Variants in SND1 observed in about 807,000 individuals in gnomAD.
The protein encoded by SND1 is staphylococcal nuclease and tudor domain containing 1, also known as staphylococcal nuclease domain-containing protein 1.
Under a neutral mutation model 121.7 loss-of-function variants are expected in SND1, and 38 were observed. The ratio of observed to expected loss-of-function variants is 0.31; its 90% CI spans 0.24 to 0.41. The LOEUF (loss-of-function observed/expected upper bound fraction) is 0.41, where lower values mean the gene tolerates loss of function less well. Ranked by LOEUF, SND1 falls within the 10% of genes least tolerant of loss-of-function variation. SND1 has a pLI of 1.00. For synonymous variants in SND1, 401 were observed against 447.4 expected, an observed-to-expected ratio of 0.90 and a Z score of 1.31; for missense variants, 868 against 1,184.6, an observed-to-expected ratio of 0.73 and a Z score of 3.92.
chr7:127,844,043 G>A (rs895423607), intron 11 of SND1, among the ~76,000 whole-genome samples: 1 of 152,178 alleles, frequency 6.6e-6, no homozygotes, highest in Non-Finnish European at 1.5e-5. Context: ...TTAGTAAGCT[G>A]TTTGGATCTT....
chr7:127,709,496 TG>T (rs1796262188), intron 9 of SND1, among the ~76,000 whole-genome samples: 1 of 152,224 alleles, frequency 6.6e-6, no homozygotes, highest in Admixed American at 6.5e-5. Context: ...GGGCCTTGGC[TG>T]GTTGGGGAGT....
intron 1 of SND1, among the ~76,000 whole-genome samples, chr7:127,677,760 C>G (rs56361057): frequency 0.022 from 3,342 of 150,636 alleles, 63 homozygotes; most frequent in South Asian, 0.049. Flanking sequence ...GTTACATAAT[C>G]TTCTTTTGAT....
chr7:127,844,483 C>A, intron 12 of SND1, 59 bp downstream of exon 12: 1 of 1,345,180 alleles, frequency 7.4e-7, no homozygotes, highest in Non-Finnish European at 1.1e-6. Context: ...GAGTTCTTTG[C>A]TCATTTGAAT....
chr7:128,052,878 A>T lies in SND1; in HGVS notation c.1780-21624A>T, dbSNP rs768455758. Among the ~76,000 whole-genome samples the T allele has an allele frequency of 6.6e-6, 1 of 152,192 alleles. No homozygotes were observed. Among genetic ancestry groups the T allele is most frequent in the Admixed American group, 6.5e-5 (1 of 15,272 alleles). On this transcript the variant is annotated intron_variant, in intron 16 of 23. Coordinates refer to ENST00000354725, the MANE Select transcript of SND1 (RefSeq NM_014390.4). This position sits in a 1 kb window ranked among gnomAD's most constrained non-coding sequence, Gnocchi z 4.6. Reference sequence around the variant, plus strand: ...TGTGAAAAGACCAATAGTCAGCCCTACCCTTCAGGGACTTCTAGTTTAGAG... The same window carrying T: ...TGTGAAAAGACCAATAGTCAGCCCTTCCCTTCAGGGACTTCTAGTTTAGAG...
chr7:127,844,347 T>C lies in SND1; in HGVS notation c.1266T>C (p.Ile422=), dbSNP rs765071280. 2 of 1,613,320 alleles carry C rather than the reference T, an allele frequency of 1.2e-6. No homozygotes were observed. The highest frequency in any genetic ancestry group is 1.7e-5 in the Admixed American group (1 of 59,890). The part of the protein sequence containing the change: ...GKKVNVTVDY[I]RPASPATETV... ...AGGTCAATGTGACGGTGGACTACAT[T>C]AGACCAGCCAGCCCAGCCACAGAGA... Residue 422 remains isoleucine, a synonymous_variant, in exon 12 of 24, where the codon ATT becomes ATC. Transcript: ENST00000354725.
At chr7:127,723,471 A>G (rs1370700878) in intron 10 of SND1, among the ~76,000 whole-genome samples, 1 of 152,190 alleles carries the variant, frequency 6.6e-6, no homozygotes, top group African/African-American at 2.4e-5. Context: ...AGCTGCAATA[A>G]TCTACAACAT....
intron 1 of SND1, among the ~76,000 whole-genome samples, chr7:127,670,649 A>G (rs1012649167): frequency 1.6e-4 from 25 of 152,088 alleles, no homozygotes; most frequent in African/African-American, 5.1e-4. Flanking sequence ...TATAAAACCT[A>G]ATTAGATCAC....
Position 127,706,784 on chromosome 7 carries a change from G to A in SND1, c.948-773G>A, listed in dbSNP as rs535385516. ...AATTGTAGGTAAAATTGCATCCTCT[G>A]TATTGAATTACTTCTTGTATTTTAC... is the stretch of plus-strand genomic sequence containing the variant. On this transcript the variant is annotated intron_variant, in intron 8 of 23. Transcript: ENST00000354725. Among the ~76,000 whole-genome samples the A allele has an allele frequency of 2.2e-4, 33 of 152,262 alleles. No homozygotes were observed. The Middle Eastern group carries it at 0.01, about 47-fold the overall frequency.
At chr7:127,902,302 G>A (rs564931156) in intron 13 of SND1, among the ~76,000 whole-genome samples, 40 of 152,296 alleles carry the variant, frequency 2.6e-4, no homozygotes, top group African/African-American at 9.4e-4. Context: ...TAAAGGATAA[G>A]GCTGTAGGCA....
intron 11 of SND1, among the ~76,000 whole-genome samples, chr7:127,828,738 TA>T (rs1798687120): frequency 1.3e-5 from 2 of 152,234 alleles, no homozygotes; most frequent in Non-Finnish European, 2.9e-5. Context: ...AATAAATTTA[TA>T]GCTCAAAATG....
intron 11 of SND1, among the ~76,000 whole-genome samples, chr7:127,810,601 T>A (rs1369717423): frequency 6.6e-6 from 1 of 152,236 alleles, no homozygotes; most frequent in Non-Finnish European, 1.5e-5. Flanking sequence ...GAGACTGGTG[T>A]CCTTAGGCTG....
chr7:127,803,577 T>A (rs4731385), intron 10 of SND1, among the ~76,000 whole-genome samples: 1,838 of 152,350 alleles, frequency 0.012, 141 homozygotes, highest in Admixed American at 0.1. Flanking sequence ...TATATTCTTT[T>A]TTCTGCCTTC....
At chr7:127,994,578 A>C (rs911011202) in intron 16 of SND1, among the ~76,000 whole-genome samples, 4 of 133,974 alleles carry the variant, frequency 3.0e-5, no homozygotes, top group African/African-American at 5.3e-5. Flanking sequence ...AAAAAAAAAA[A>C]AAAAAAACAG....
chr7:127,991,093 G>A (rs1217820985), intron 16 of SND1, 37 bp downstream of exon 16: 2 of 1,515,638 alleles, frequency 1.3e-6, no homozygotes, highest in Non-Finnish European at 1.8e-6. Flanking sequence ...TGTGAGGAGG[G>A]GTGACAAAAT....
intron 12 of SND1, among the ~76,000 whole-genome samples, chr7:127,848,294 T>C (rs893313649): frequency 6.6e-6 from 1 of 152,202 alleles, no homozygotes; most frequent in Non-Finnish European, 1.5e-5. Flanking sequence ...ATTTCAATGA[T>C]ATTTAATGAA....
intron 16 of SND1, among the ~76,000 whole-genome samples, chr7:128,055,961 G>T (rs1430550133): frequency 6.6e-6 from 1 of 152,192 alleles, no homozygotes; most frequent in African/African-American, 2.4e-5. Flanking sequence ...CTGGAATTAG[G>T]CAGGACTGAG....
In SND1 at chr7:127,777,763, A is replaced by T. The variant is rs1040649737; in HGVS notation, c.1153-29721A>T. Among the ~76,000 whole-genome samples the T allele has an allele frequency of 1.3e-5, 2 of 151,410 alleles. 1 individual carries two copies. Among genetic ancestry groups the T allele is most frequent in the East Asian group, 3.9e-4 (2 of 5,144 alleles). ...CCTGTTTGGACCAATCTGGTGTCCA[A>T]CTCCTGGGTTCGAGCAATTTTTTTT... is the stretch of plus-strand genomic sequence containing the variant. On this transcript the variant is annotated intron_variant, in intron 10 of 23. Transcript: ENST00000354725.
chr7:128,013,297 C>T (rs111534438), intron 16 of SND1, among the ~76,000 whole-genome samples: 14 of 152,262 alleles, frequency 9.2e-5, no homozygotes, highest in African/African-American at 3.1e-4. Flanking sequence ...TCATTGTGTC[C>T]GCCCAAGTGC....
At chr7:127,997,891 C>CTT in intron 16 of SND1, 1 of 534,798 alleles carries the variant, frequency 1.9e-6, no homozygotes. Flanking sequence ...ACCACCTTTT[C>CTT]TTGGAAGGCT....
Sources: gnomAD v4.1 joint callset for allele counts (sites outside exome capture counted in the v4.1 genomes callset) on GRCh38, gnomAD v4.1.1 for gene constraint, Gnocchi (gnomAD v3.1) non-coding constraint, MANE v1.5 for transcripts, NCBI Gene and HGNC (gene_info 2026-07-23, HGNC 2026-07-21) for gene names.